HMBOX1: variants seen among roughly 807,000 people sequenced by gnomAD.
HMBOX1 encodes the protein homeobox-containing protein 1.
A neutral mutation model predicts 54.5 loss-of-function variants in HMBOX1; 14 were observed. The ratio of observed to expected loss-of-function variants is 0.26; its 90% CI spans 0.17 to 0.40. The LOEUF (loss-of-function observed/expected upper bound fraction) is 0.40. HMBOX1 is among the 10% of genes least tolerant of loss of function. The pLI is 1.00. For missense variants in HMBOX1, 332 were observed against 514.4 expected (o/e 0.65, Z 3.43); for synonymous variants, 160 against 181.0 (o/e 0.88, Z 0.93).
At chr8:29,040,176 T>A in intron 6 of HMBOX1, among the ~76,000 whole-genome samples, 1 of 152,220 alleles carries the variant, frequency 6.6e-6, no homozygotes, top group East Asian at 1.9e-4. Flanking sequence ...AGAAGATAGA[T>A]GCATTTTGTC....
At chr8:29,041,960 A>T (rs1254667591) in intron 6 of HMBOX1, among the ~76,000 whole-genome samples, 1 of 152,134 alleles carries the variant, frequency 6.6e-6, no homozygotes, top group Non-Finnish European at 1.5e-5. Context: ...CTTGGAAGAA[A>T]AGTTGTCACA....
chr8:29,031,397 AAAT>A (rs754745902), intron 6 of HMBOX1, among the ~76,000 whole-genome samples: 2 of 152,354 alleles, frequency 1.3e-5, no homozygotes, highest in Non-Finnish European at 2.9e-5. Context: ...AATATAAATG[AAAT>A]AATGTTAAGC....
intron 5 of HMBOX1, among the ~76,000 whole-genome samples, chr8:29,012,701 T>C (rs867772868): frequency 3.9e-5 from 6 of 152,184 alleles, no homozygotes; most frequent in South Asian, 2.1e-4. Flanking sequence ...AATTTCATAC[T>C]ATGTACTTGT....
At position 28,890,553 on chromosome 8, in the gene HMBOX1, A is replaced by T. The variant is rs1465414753; in HGVS notation, c.-183A>T. On this transcript the variant is annotated 5_prime_UTR_variant, in exon 1 of 10. Coordinates refer to ENST00000287701, the MANE Select transcript of HMBOX1 (RefSeq NM_001135726.3). ...TCAACCCCTCCCCAGTCCCCTCCCG[A>T]CGGGCGCCCCACGCGGAAGACACCC... is the stretch of plus-strand genomic sequence containing the variant. The T allele has an allele frequency of 6.6e-6, 1 of 151,602 alleles. No individual in the cohort carries two copies. The highest frequency in any genetic ancestry group is 6.6e-5 in the Admixed American group (1 of 15,256). The allele number at this position is 151,602 out of a possible 1,614,324, so 9.4% of individuals were successfully genotyped here. A position where few individuals can be genotyped will look rare whatever the true frequency, so the allele number is the denominator to read the frequency against.
intron 1 of HMBOX1, among the ~76,000 whole-genome samples, chr8:28,912,130 G>C (rs1436802328): frequency 7.2e-5 from 11 of 152,068 alleles, no homozygotes; most frequent in Non-Finnish European, 1.0e-4. Context: ...ATTTTGATTA[G>C]GCTAGGCTAA....
chr8:28,907,970 C>T (rs1814666211), intron 1 of HMBOX1, among the ~76,000 whole-genome samples: 4 of 151,810 alleles, frequency 2.6e-5, no homozygotes, highest in Admixed American at 1.3e-4. Flanking sequence ...CTTAGCCTCC[C>T]GATTATCTGG....
intron 4 of HMBOX1, among the ~76,000 whole-genome samples, chr8:29,008,511 ACTAATGGTAATGACT>A (rs1446082484): frequency 6.6e-6 from 1 of 152,174 alleles, no homozygotes; most frequent in Non-Finnish European, 1.5e-5. Flanking sequence ...TCTTCTCTGT[ACTAATGGTAATGACT>A]CTAAAAATGG....
intron 1 of HMBOX1, among the ~76,000 whole-genome samples, chr8:28,948,789 T>C (rs1822921577): frequency 6.6e-6 from 1 of 152,232 alleles, no homozygotes; most frequent in Admixed American, 6.5e-5. Flanking sequence ...TTTTATTATT[T>C]ACCTTATTCT....
intron 6 of HMBOX1, among the ~76,000 whole-genome samples, chr8:29,022,874 TG>T (rs1290348860): frequency 1.8e-3 from 5 of 2,774 alleles, no homozygotes; most frequent in African/African-American, 7.1e-3. Context: ...AGGGAAAAAA[TG>T]GGGGGGAGGG....
intron 1 of HMBOX1, among the ~76,000 whole-genome samples, chr8:28,899,184 G>A (rs1023636838): frequency 2.6e-5 from 4 of 152,222 alleles, no homozygotes; most frequent in Admixed American, 6.5e-5. Flanking sequence ...AGGAGAATGA[G>A]AGGTAGCCCT....
chr8:28,908,134 T>A (rs1814698307), intron 1 of HMBOX1, among the ~76,000 whole-genome samples: 2 of 152,212 alleles, frequency 1.3e-5, no homozygotes, highest in African/African-American at 4.8e-5. Flanking sequence ...ATTACAGGCA[T>A]AAGCCACTGT....
At chr8:28,934,663 C>T (rs529960026) in intron 1 of HMBOX1, among the ~76,000 whole-genome samples, 10 of 152,286 alleles carry the variant, frequency 6.6e-5, no homozygotes, top group Non-Finnish European at 1.0e-4. Context: ...CGGTGGCTCA[C>T]GCCTGTAATT....
At chr8:29,046,913 T>C (rs1030423634) in intron 7 of HMBOX1, among the ~76,000 whole-genome samples, 1 of 152,114 alleles carries the variant, frequency 6.6e-6, no homozygotes, top group Non-Finnish European at 1.5e-5. Flanking sequence ...GCCCAGGAGG[T>C]CAAGGCTGCA....
At chr8:28,951,420 T>C (rs1464459189) in intron 1 of HMBOX1, among the ~76,000 whole-genome samples, 1 of 152,170 alleles carries the variant, frequency 6.6e-6, no homozygotes, top group Non-Finnish European at 1.5e-5. Context: ...CGTGAGCCAC[T>C]GCGCCCGGCC....
intron 4 of HMBOX1, among the ~76,000 whole-genome samples, chr8:28,987,476 C>T (rs1830334663): frequency 6.6e-6 from 1 of 152,110 alleles, no homozygotes; most frequent in African/African-American, 2.4e-5. Flanking sequence ...TGAGATTCAG[C>T]TGTAGTCTGT....
chr8:28,965,795 G>A (rs1826332351), intron 2 of HMBOX1, among the ~76,000 whole-genome samples: 1 of 152,170 alleles, frequency 6.6e-6, no homozygotes, highest in South Asian at 2.1e-4. Flanking sequence ...GAGTGTATAT[G>A]TATTTTGAAG....
intron 6 of HMBOX1, among the ~76,000 whole-genome samples, chr8:29,021,232 G>C (rs1338206087): frequency 6.6e-6 from 1 of 151,880 alleles, no homozygotes; most frequent in Non-Finnish European, 1.5e-5. Flanking sequence ...CATACATCAA[G>C]ATAAATTTCA....
chr8:28,977,477 G>T (rs1248633414), intron 3 of HMBOX1, among the ~76,000 whole-genome samples: 1 of 152,170 alleles, frequency 6.6e-6, no homozygotes, highest in Non-Finnish European at 1.5e-5. Flanking sequence ...AAATAGTGCT[G>T]AAGTTATCTC....
At chr8:28,985,371 A>G (rs1304488057) in intron 4 of HMBOX1, among the ~76,000 whole-genome samples, 1 of 152,162 alleles carries the variant, frequency 6.6e-6, no homozygotes, top group African/African-American at 2.4e-5. Flanking sequence ...ACATCACCTA[A>G]TCACCTCCCA....
Sources: gnomAD v4.1 joint callset for allele counts (sites outside exome capture counted in the v4.1 genomes callset) on GRCh38, gnomAD v4.1.1 for gene constraint, MANE v1.5 for transcripts, NCBI Gene and HGNC (gene_info 2026-07-23, HGNC 2026-07-21) for gene names.